Variants in TMEM132B observed in about 807,000 individuals in gnomAD.
The protein encoded by TMEM132B is transmembrane protein 132B.
Under a neutral mutation model 90.8 loss-of-function variants are expected in TMEM132B, and 18 were observed. The observed-to-expected ratio is 0.20, with a 90% confidence interval of 0.14 to 0.29. TMEM132B has a LOEUF of 0.29. Ranked by LOEUF, TMEM132B falls within the 10% of genes least tolerant of loss-of-function variation. The probability of loss-of-function intolerance (pLI) is 1.00; values close to 1 mark genes in which losing one functional copy is unlikely to be tolerated. For missense variants in TMEM132B, 1,096 were observed against 1,326.8 expected (o/e 0.83, Z 2.70); for synonymous variants, 504 against 523.3 (o/e 0.96, Z 0.50).
At chr12:125,255,727 TCA>T (rs1372067084) in intron 1 of TMEM132B, among the ~76,000 whole-genome samples, 4 of 152,148 alleles carry the variant, frequency 2.6e-5, no homozygotes, top group African/African-American at 7.2e-5. Context: ...TATTTTGATC[TCA>T]CAGGGGCAGT....
chr12:125,617,265 C>G (rs1886009679), intron 5 of TMEM132B, among the ~76,000 whole-genome samples: 1 of 151,902 alleles, frequency 6.6e-6, no homozygotes. Flanking sequence ...CCTTATGTCA[C>G]TTCTCAGAAG....
chr12:125,656,190 G>T lies in TMEM132B; in HGVS notation c.*1480G>T, dbSNP rs1018875552. 2.6e-5 allele frequency: 4 copies of T among 152,162 alleles called. No homozygotes were observed. The highest frequency in any genetic ancestry group is 7.2e-5 in the African/African-American group (3 of 41,438). The allele number at this position is 152,162 out of a possible 1,614,324, so 9.4% of individuals were successfully genotyped here. ...CATATTTATTAAGATTGTATTATTG[G>T]AAATGTAGACACTGGACTAGTATGC... On this transcript the variant is annotated 3_prime_UTR_variant, in exon 9 of 9. Transcript: ENST00000682704.
At chr12:125,239,451 T>G (rs990876777) in intron 1 of TMEM132B, among the ~76,000 whole-genome samples, 2 of 152,212 alleles carry the variant, frequency 1.3e-5, no homozygotes, top group African/African-American at 4.8e-5. Context: ...TCAGGAATGG[T>G]TGGATCCAGG....
At chr12:125,369,295 A>G (rs1206116508) in intron 2 of TMEM132B, among the ~76,000 whole-genome samples, 3 of 152,208 alleles carry the variant, frequency 2.0e-5, no homozygotes, top group African/African-American at 4.8e-5. Flanking sequence ...GGTTGGTTCC[A>G]AGTTTTTCCT....
chr12:125,405,272 GCT>G (rs373689662), intron 2 of TMEM132B, among the ~76,000 whole-genome samples: 7 of 150,898 alleles, frequency 4.6e-5, no homozygotes, highest in Non-Finnish European at 8.9e-5. Flanking sequence ...CATAACTCCA[GCT>G]CTCTCTCTCT....
intron 1 of TMEM132B, among the ~76,000 whole-genome samples, chr12:125,255,673 T>G (rs900364065): frequency 1.3e-5 from 2 of 152,156 alleles, no homozygotes; most frequent in African/African-American, 4.8e-5. Context: ...TGGAGCGAGG[T>G]CTCTGCCCTT....
At position 125,644,431 on chromosome 12, in the gene TMEM132B, C is replaced by T; in HGVS notation, c.1643+150C>T. ...GGGCTTTGGGTTCAGATGGATCTGA[C>T]TTGAGTACTTACTAGCACCTTGACA... On this transcript the variant is annotated intron_variant, in intron 6 of 8. Transcript: ENST00000682704. The T allele has an allele frequency of 7.1e-6, 5 of 699,610 alleles. No homozygotes were observed. In the South Asian group the frequency reaches 9.5e-5, roughly 13 times the overall value. 43.3% of individuals were successfully genotyped at this position (699,610 alleles called of 1,614,324 possible).
At chr12:125,473,719 G>C (rs866213421) in intron 3 of TMEM132B, among the ~76,000 whole-genome samples, 4 of 152,168 alleles carry the variant, frequency 2.6e-5, no homozygotes, top group Admixed American at 1.3e-4. Context: ...TTCTTTGAGA[G>C]ATGCCAAGAT....
chr12:125,321,740 A>C (rs560284672), intron 1 of TMEM132B, among the ~76,000 whole-genome samples: 3 of 152,228 alleles, frequency 2.0e-5, no homozygotes, highest in African/African-American at 7.2e-5. Context: ...GGCCTCTCAA[A>C]GTGTTGGGAT....
In TMEM132B at chr12:125,251,081, C is replaced by T. The variant is rs987441576; in HGVS notation, c.67+64215C>T. The stretch of plus-strand genomic sequence containing the variant: ...TAACAATAAGTGGAAAAGCAGTGCT[C>T]AGGAGTGAGTGGCATCCCCTTTGAT... On this transcript the variant is annotated intron_variant, in intron 1 of 8. Transcript: ENST00000682704. The surrounding 1 kb of genome is among the most constrained non-coding windows in gnomAD (Gnocchi z 4.4). Among the ~76,000 whole-genome samples the T allele has an allele frequency of 2.6e-5, 4 of 152,188 alleles. No homozygotes were observed. The highest frequency in any genetic ancestry group is 6.5e-5 in the Admixed American group (1 of 15,288).
Position 125,349,640 on chromosome 12 carries a change from C to A in TMEM132B, c.256C>A (p.Pro86Thr), listed in dbSNP as rs766246833. 2 of 1,614,162 alleles carry A rather than the reference C, an allele frequency of 1.2e-6. No individual in the cohort carries two copies. Among genetic ancestry groups the A allele is most frequent in the South Asian group, 2.2e-5 (2 of 91,056 alleles). The change falls in exon 2 of 9, where the codon CCC (proline) becomes ACC (threonine). Residue 86 changes from proline (P) to threonine (T), a missense_variant. Coordinates refer to ENST00000682704, the MANE Select transcript of TMEM132B (RefSeq NM_001366854.1). The surrounding 1 kb of genome is among the most constrained non-coding windows in gnomAD (Gnocchi z 4.1). Reference protein sequence around the residue: ...EPFFIYRARTPPIINASYGPF... With the variant: ...EPFFIYRARTTPIINASYGPF... ...ATTCTTCATCTACCGAGCCAGGACA[C>A]CCCCTATTATCAATGCCAGCTATGG...
At chr12:125,452,392 A>C (rs1468822721) in intron 3 of TMEM132B, among the ~76,000 whole-genome samples, 1 of 152,240 alleles carries the variant, frequency 6.6e-6, no homozygotes, top group Non-Finnish European at 1.5e-5. Flanking sequence ...TTGCATTGAC[A>C]GACATTTAGT....
At chr12:125,196,367 A>G (rs992800887) in intron 1 of TMEM132B, among the ~76,000 whole-genome samples, 3 of 152,228 alleles carry the variant, frequency 2.0e-5, no homozygotes, top group African/African-American at 7.2e-5. Context: ...CAAGAGTCCC[A>G]GTGGAGGATG....
At position 125,482,666 on chromosome 12, in the gene TMEM132B, C is replaced by T. The variant is rs538091034; in HGVS notation, c.1107-36773C>T. ...TTGGTGGGAGTGTAAACTAGTTCAA[C>T]CATTGTGGAAGACAGTGTGGCGATT... On this transcript the variant is annotated intron_variant, in intron 3 of 8. Coordinates refer to ENST00000682704, the MANE Select transcript of TMEM132B (RefSeq NM_001366854.1). Among the ~76,000 whole-genome samples the T allele has an allele frequency of 2.0e-5, 3 of 152,250 alleles. No individual in the cohort carries two copies. In the South Asian group the frequency reaches 6.2e-4, roughly 32 times the overall value.
chr12:125,323,513 G>GTTTC (rs1876483873), intron 1 of TMEM132B, among the ~76,000 whole-genome samples: 2 of 151,696 alleles, frequency 1.3e-5, no homozygotes, highest in South Asian at 4.2e-4. Context: ...CAGCTTCTTT[G>GTTTC]TTTGTTTGTT....
intron 3 of TMEM132B, among the ~76,000 whole-genome samples, chr12:125,455,669 AT>A (rs35613986): frequency 0.031 from 4,354 of 139,456 alleles, 175 homozygotes; most frequent in African/African-American, 0.097. Flanking sequence ...CAAGGGTTGG[AT>A]TTTTTTTTTT....
At chr12:125,529,761 T>C (rs1592977150) in intron 4 of TMEM132B, among the ~76,000 whole-genome samples, 1 of 152,278 alleles carries the variant, frequency 6.6e-6, no homozygotes, top group East Asian at 1.9e-4. Flanking sequence ...CTTTCGTCTT[T>C]TGTTTTGTGT....
chr12:125,436,638 A>G (rs1880713754), intron 3 of TMEM132B, among the ~76,000 whole-genome samples: 1 of 152,196 alleles, frequency 6.6e-6, no homozygotes, highest in Non-Finnish European at 1.5e-5. Context: ...GTTCTCCCTC[A>G]CAGCTCTCAG....
intron 1 of TMEM132B, among the ~76,000 whole-genome samples, chr12:125,217,728 A>G (rs1042888323): frequency 6.6e-6 from 1 of 152,196 alleles, no homozygotes; most frequent in Non-Finnish European, 1.5e-5. Context: ...TGCTGGAATT[A>G]CAGGTGTGAG....
Sources: gnomAD v4.1 joint callset for allele counts (sites outside exome capture counted in the v4.1 genomes callset) on GRCh38, gnomAD v4.1.1 for gene constraint, Gnocchi (gnomAD v3.1) non-coding constraint, MANE v1.5 for transcripts, NCBI Gene and HGNC (gene_info 2026-07-23, HGNC 2026-07-21) for gene names.